The following USP46 variants were observed in gnomAD, a reference collection of about 807,000 sequenced individuals.
USP46 encodes the protein ubiquitin carboxyl-terminal hydrolase 46.
In USP46, 12 loss-of-function variants were observed where a neutral mutation model predicts 44.4. The ratio of observed to expected loss-of-function variants is 0.27; its 90% CI spans 0.17 to 0.44. The LOEUF (loss-of-function observed/expected upper bound fraction) is 0.44, where lower values mean the gene tolerates loss of function less well. Among genes scored for constraint, USP46 ranks in the 20% least tolerant of loss-of-function variants. The probability of loss-of-function intolerance (pLI) is 1.00; values close to 1 mark genes in which losing one functional copy is unlikely to be tolerated. For synonymous variants in USP46, 155 were observed against 161.5 expected (o/e 0.96, Z 0.31); for missense variants, 248 against 444.8 (o/e 0.56, Z 3.98).
chr4:52,658,068 T>C (rs1719020111), intron 1 of USP46: 1 of 369,792 alleles, frequency 2.7e-6, no homozygotes, highest in Non-Finnish European at 5.4e-6. Flanking sequence ...TTCCTCAAAC[T>C]GGCACTGTAA....
chr4:52,596,191 C>T lies in USP46; in HGVS notation c.*1449G>A, dbSNP rs975766438. Reference sequence around the variant, plus strand: ...GTTGCAAAATGGCCACTAACATTTTCCATTTCAATTTTAGTTCACATTATG... The same window carrying T: ...GTTGCAAAATGGCCACTAACATTTTTCATTTCAATTTTAGTTCACATTATG... On this transcript the variant is annotated 3_prime_UTR_variant, in exon 9 of 9. Transcript: ENST00000441222. 6.6e-6 allele frequency: 1 copy of T among 152,618 alleles called. No homozygotes were observed. The highest frequency in any genetic ancestry group is 2.4e-5 in the African/African-American group (1 of 41,450). The allele number at this position is 152,618 out of a possible 1,614,324, so 9.5% of individuals were successfully genotyped here. A position where few individuals can be genotyped will look rare whatever the true frequency, so the allele number is the denominator to read the frequency against.
chr4:52,626,299 G>C, intron 3 of USP46, 52 bp from the exon 4 acceptor site: 5 of 1,448,856 alleles, frequency 3.5e-6, no homozygotes, highest in Non-Finnish European at 2.8e-6. Context: ...AAAGCAAATG[G>C]ATGTAATTAG....
intron 5 of USP46, among the ~76,000 whole-genome samples, chr4:52,607,947 T>C (rs1273685184): frequency 6.6e-6 from 1 of 152,240 alleles, no homozygotes; most frequent in African/African-American, 2.4e-5. Flanking sequence ...CTCGGGTATT[T>C]ATTTATAGCA....
intron 4 of USP46, among the ~76,000 whole-genome samples, chr4:52,611,399 A>C (rs963655266): frequency 4.6e-5 from 7 of 152,248 alleles, no homozygotes; most frequent in Non-Finnish European, 8.8e-5. Context: ...ATTCACTGAC[A>C]ACCCTGGGGT....
chr4:52,647,052 G>A lies in USP46; in HGVS notation c.36+12063C>T, dbSNP rs189926265. Among the ~76,000 whole-genome samples the A allele has an allele frequency of 2.8e-4, 42 of 152,280 alleles. No homozygotes were observed. In the East Asian group the frequency reaches 4.6e-3, roughly 17 times the overall value. On this transcript the variant is annotated intron_variant, in intron 1 of 8. Coordinates refer to ENST00000441222, the MANE Select transcript of USP46 (RefSeq NM_022832.4). ...CCTTACAGCCTTGTTTGTAAAAACC[G>A]AAGACTAGAAAACTACCTACAACAT...
intron 6 of USP46, among the ~76,000 whole-genome samples, chr4:52,603,240 C>T (rs1716547376): frequency 1.3e-5 from 2 of 152,272 alleles, no homozygotes; most frequent in Admixed American, 6.5e-5. Context: ...AGACCCCAGG[C>T]CAGCCTTAGG....
chr4:52,611,106 G>C (rs953845663), intron 4 of USP46, among the ~76,000 whole-genome samples: 2 of 152,208 alleles, frequency 1.3e-5, no homozygotes, highest in Admixed American at 6.5e-5. Flanking sequence ...GGGCCAGGGA[G>C]CCTGACAGGC....
chr4:52,598,014 G>C (rs1346970684), intron 8 of USP46, among the ~76,000 whole-genome samples: 1 of 152,196 alleles, frequency 6.6e-6, no homozygotes, highest in Non-Finnish European at 1.5e-5. Context: ...ACATCTCCCA[G>C]ATGGTAAACT....
intron 2 of USP46, among the ~76,000 whole-genome samples, chr4:52,628,621 TGCTCGGCTGAAACA>T (rs1249570965): frequency 6.6e-6 from 1 of 152,234 alleles, no homozygotes; most frequent in African/African-American, 2.4e-5. Flanking sequence ...AGGAACCACT[TGCTCGGCTGAAACA>T]GCCTAAACTG....
At chr4:52,615,804 C>G (rs1385691487) in intron 4 of USP46, among the ~76,000 whole-genome samples, 1 of 152,104 alleles carries the variant, frequency 6.6e-6, no homozygotes, top group Non-Finnish European at 1.5e-5. Context: ...ACTGGTTACA[C>G]AACTCAGCAA....
rs1245657480 is a variant in USP46 at position 52,592,185 on chromosome 4, C to CA, written c.*5454dup. 5 of 152,082 alleles carry CA rather than the reference C, an allele frequency of 3.3e-5. No individual in the cohort carries two copies. The highest frequency in any genetic ancestry group is 7.4e-5 in the Non-Finnish European group (5 of 67,998). 9.4% of individuals were successfully genotyped at this position (152,082 alleles called of 1,614,324 possible). A position where few individuals can be genotyped will look rare whatever the true frequency, so the allele number is the denominator to read the frequency against. ...TCTCACCCAGACTTGTCTTCTGAGA[C>CA]AAAAAACGAGTCCATAAGAGGGACC... On this transcript the variant is annotated 3_prime_UTR_variant, in exon 9 of 9. Coordinates refer to ENST00000441222, the MANE Select transcript of USP46 (RefSeq NM_022832.4).
chr4:52,647,530 A>G (rs1406989203), intron 1 of USP46, among the ~76,000 whole-genome samples: 1 of 152,228 alleles, frequency 6.6e-6, no homozygotes. Context: ...AATGACACAA[A>G]AGAGTGTGGT....
At chr4:52,604,360 G>A (rs1287790278) in intron 6 of USP46, 141 bp downstream of exon 6, 3 of 656,964 alleles carry the variant, frequency 4.6e-6, no homozygotes, top group Non-Finnish European at 8.0e-6. Flanking sequence ...TTTCACTGGT[G>A]AGGAGGATAA....
At chr4:52,606,149 G>GT (rs1188736171) in intron 5 of USP46, among the ~76,000 whole-genome samples, 2 of 152,154 alleles carry the variant, frequency 1.3e-5, no homozygotes, top group Non-Finnish European at 1.5e-5. Context: ...ATATTTGTTG[G>GT]TTGAATGAAT....
intron 1 of USP46, among the ~76,000 whole-genome samples, chr4:52,658,725 A>T (rs897283316): frequency 6.6e-6 from 1 of 152,126 alleles, no homozygotes. Flanking sequence ...GACGTCCAAT[A>T]AGGCTGTCTT....
chr4:52,613,359 G>A (rs999507438), intron 4 of USP46, among the ~76,000 whole-genome samples: 10 of 152,174 alleles, frequency 6.6e-5, no homozygotes, highest in African/African-American at 2.4e-4. Flanking sequence ...AAGAAACATA[G>A]TGAATAGTTT....
intron 1 of USP46, among the ~76,000 whole-genome samples, chr4:52,653,804 C>T (rs1025841422): frequency 6.6e-6 from 1 of 151,978 alleles, no homozygotes; most frequent in East Asian, 1.9e-4. Flanking sequence ...CATGGAACCC[C>T]AATCTATTCA....
rs1486452150 is a variant in USP46 at position 52,594,722 on chromosome 4, T to A, written c.*2918A>T. On this transcript the variant is annotated 3_prime_UTR_variant, in exon 9 of 9. Coordinates refer to ENST00000441222, the MANE Select transcript of USP46 (RefSeq NM_022832.4). ...AGGCATGCCCATGAAATTAAGGGTA[T>A]CCATGAAAATAAATGCATAGGGATC... 2 of 152,190 alleles carry A rather than the reference T, an allele frequency of 1.3e-5. No individual in the cohort carries two copies. The highest frequency in any genetic ancestry group is 2.9e-5 in the Non-Finnish European group (2 of 68,028). 9.4% of individuals were successfully genotyped at this position (152,190 alleles called of 1,614,324 possible). A position where few individuals can be genotyped will look rare whatever the true frequency, so the allele number is the denominator to read the frequency against.
intron 1 of USP46, among the ~76,000 whole-genome samples, chr4:52,633,593 G>A (rs1717996871): frequency 6.6e-6 from 1 of 152,094 alleles, no homozygotes; most frequent in African/African-American, 2.4e-5. Context: ...GCAAAATTAG[G>A]ATATATGGCT....
Sources: allele counts gnomAD v4.1 joint callset (sites outside exome capture counted in the v4.1 genomes callset), GRCh38; gene constraint gnomAD v4.1.1; transcripts MANE v1.5; gene names NCBI Gene and HGNC (gene_info 2026-07-23, HGNC 2026-07-21).